The following KDM6A variants were observed in gnomAD, a reference collection of about 807,000 sequenced individuals.
KDM6A encodes lysine-specific demethylase 6A.
In KDM6A, 11 loss-of-function variants were observed where a neutral mutation model predicts 117.6. The ratio of observed to expected loss-of-function variants is 0.09; its 90% CI spans 0.06 to 0.15. The LOEUF is 0.15. Among genes scored for constraint, KDM6A ranks in the 10% least tolerant of loss-of-function variants. KDM6A has a pLI of 1.00. For missense variants in KDM6A, 799 were observed against 1,077.3 expected (o/e 0.74, Z 3.62); for synonymous variants, 384 against 396.1 (o/e 0.97, Z 0.36).
At chrX:45,002,101 T>A (rs1047629919) in intron 4 of KDM6A, among the ~76,000 whole-genome samples, 1 of 111,274 alleles carries the variant, frequency 9.0e-6, no homozygotes, top group African/African-American at 3.3e-5. Flanking sequence ...GGTGCCTTCT[T>A]ACTGAGAAAT....
intron 2 of KDM6A, among the ~76,000 whole-genome samples, chrX:44,877,255 C>A (rs184014537): frequency 1.2e-3 from 136 of 110,684 alleles, no homozygotes; most frequent in African/African-American, 4.4e-3. Flanking sequence ...ATATACAATG[C>A]CTGGGGTTTT....
chrX:44,932,892 T>TC (rs2036722650), intron 2 of KDM6A, among the ~76,000 whole-genome samples: 1 of 82,453 alleles, frequency 1.2e-5, no homozygotes, highest in South Asian at 5.2e-4. Context: ...TTTTTCTTTC[T>TC]TTTTTTTTTT....
rs144214693 is a variant in KDM6A, at chrX:44,918,718, C to G, written c.226-42566C>G. On this transcript the variant is annotated intron_variant, in intron 2 of 29. Transcript: ENST00000611820. ...GTGGTTGAAGAATTATCAGTTTGAA[C>G]TAATAAACTAGAATAATTTGTAAGG... 9.0e-5 allele frequency among the ~76,000 whole-genome samples: 10 copies of G among 111,466 alleles called. No individual in the cohort carries two copies. The East Asian group carries it at 2.8e-3, about 31-fold the overall frequency.
Position 45,107,526 on chromosome X carries a change from G to T in KDM6A, c.4151G>T (p.Ser1384Ile), listed in dbSNP as rs1296096294. Residue 1384 changes from serine to isoleucine, a missense_variant, in exon 28 of 30, where the codon AGC becomes ATC. Physicochemically the swap from Ser to Ile is moderately radical, Grantham distance 142. Coordinates refer to ENST00000611820, the MANE Select transcript of KDM6A (RefSeq NM_001291415.2). ...RTKEEPAHYC[S>I]ICEVEVFDLL... ...AAAGAAGAACCAGCTCATTACTGTA[G>T]CATTTGTGAAGTAAGTAATTGTTTT... The T allele has an allele frequency of 8.3e-7, 1 of 1,206,902 alleles. No individual in the cohort carries two copies. The highest frequency in any genetic ancestry group is 2.2e-5 in the Admixed American group (1 of 45,762).
chrX:44,943,148 G>A (rs184535764), intron 2 of KDM6A, among the ~76,000 whole-genome samples: 1 of 110,220 alleles, frequency 9.1e-6, no homozygotes, highest in Non-Finnish European at 1.9e-5. Context: ...TACATATACC[G>A]GCATACCTTG....
chrX:44,907,532 G>T (rs1390587484), intron 2 of KDM6A, among the ~76,000 whole-genome samples: 1 of 103,468 alleles, frequency 9.7e-6, no homozygotes, highest in Non-Finnish European at 2.0e-5. Context: ...CCAGGCTGGA[G>T]TGCAGTGGCG....
chrX:44,946,461 A>C (rs2037637377), intron 2 of KDM6A, among the ~76,000 whole-genome samples: 1 of 111,846 alleles, frequency 8.9e-6, no homozygotes, highest in African/African-American at 3.2e-5. Flanking sequence ...TCTAAATATG[A>C]ATCCTTTGTC....
intron 19 of KDM6A, 26 bp downstream of exon 19, chrX:45,076,852 A>G (rs2045146320): frequency 8.5e-7 from 1 of 1,173,193 alleles, no homozygotes; most frequent in Non-Finnish European, 1.2e-6. Flanking sequence ...CTGACTAGAA[A>G]TAAAACAGTG....
intron 8 of KDM6A, among the ~76,000 whole-genome samples, chrX:45,049,069 A>G (rs1339605104): frequency 9.0e-6 from 1 of 111,449 alleles, no homozygotes; most frequent in African/African-American, 3.3e-5. Flanking sequence ...TTCCAAGAGT[A>G]AGATTGCTAG....
chrX:44,940,958 C>A (rs1475846056), intron 2 of KDM6A, among the ~76,000 whole-genome samples: 1 of 111,281 alleles, frequency 9.0e-6, no homozygotes, highest in African/African-American at 3.3e-5. Context: ...TCGCTTGAAT[C>A]CAGGAGGCGG....
At chrX:44,942,252 C>T (rs2037374035) in intron 2 of KDM6A, among the ~76,000 whole-genome samples, 2 of 110,704 alleles carry the variant, frequency 1.8e-5, no homozygotes. Context: ...CCAGGATGGT[C>T]TTGATCTCTT....
intron 2 of KDM6A, among the ~76,000 whole-genome samples, chrX:44,880,926 A>G (rs1485423227): frequency 8.9e-6 from 1 of 112,389 alleles, no homozygotes; most frequent in Admixed American, 9.4e-5. Flanking sequence ...TTTTAATTAC[A>G]GTCTGAAGTT....
At chrX:45,063,384 C>T (rs779597793) in intron 16 of KDM6A, 38 bp from the exon 17 acceptor site, 1 of 1,179,490 alleles carries the variant, frequency 8.5e-7, no homozygotes, top group Admixed American at 2.2e-5. Flanking sequence ...CTATAGATTA[C>T]ACAACCAGCA....
chrX:44,910,608 G>A (rs1002074551), intron 2 of KDM6A, among the ~76,000 whole-genome samples: 1 of 108,409 alleles, frequency 9.2e-6, no homozygotes, highest in African/African-American at 3.4e-5. Flanking sequence ...AAACAAGTGA[G>A]CAAAGGTCTC....
At chrX:45,016,970 T>C (rs2041996949) in intron 5 of KDM6A, among the ~76,000 whole-genome samples, 1 of 111,836 alleles carries the variant, frequency 8.9e-6, no homozygotes, top group Non-Finnish European at 1.9e-5. Context: ...TTTTTGTAGG[T>C]AGTGTTATTG....
At chrX:44,968,034 T>C (rs1421224246) in intron 3 of KDM6A, among the ~76,000 whole-genome samples, 1 of 112,283 alleles carries the variant, frequency 8.9e-6, no homozygotes, top group Non-Finnish European at 1.9e-5. Context: ...GTAAGGAGTT[T>C]CCTTTATGTT....
chrX:45,062,361 T>C (rs1464118179), intron 15 of KDM6A, among the ~76,000 whole-genome samples: 2 of 112,493 alleles, frequency 1.8e-5, no homozygotes, highest in African/African-American at 6.5e-5. Context: ...TCAAGAGTTT[T>C]CTCTGTGAAT....
At chrX:44,976,071 G>A (rs1380714331) in intron 4 of KDM6A, among the ~76,000 whole-genome samples, 4 of 111,651 alleles carry the variant, frequency 3.6e-5, no homozygotes, top group Non-Finnish European at 7.5e-5. Context: ...CTTCAATGTG[G>A]CTGCATGCCT....
intron 8 of KDM6A, among the ~76,000 whole-genome samples, chrX:45,048,955 C>T (rs2043710927): frequency 9.0e-6 from 1 of 110,746 alleles, no homozygotes; most frequent in South Asian, 3.7e-4. Flanking sequence ...TATTTTGCTT[C>T]TACTTGTCTA....
Sources: gnomAD v4.1 joint callset for allele counts (sites outside exome capture counted in the v4.1 genomes callset) on GRCh38, gnomAD v4.1.1 for gene constraint, MANE v1.5 for transcripts, NCBI Gene and HGNC (gene_info 2026-07-23, HGNC 2026-07-21) for gene names.